Variants in ROR1 observed in about 807,000 individuals in gnomAD.
ROR1 encodes the protein ROR family WNT receptor 1.
Under a neutral mutation model 78.8 loss-of-function variants are expected in ROR1, and 19 were observed. The observed-to-expected ratio is 0.24, with a 90% CI of 0.17 to 0.35. ROR1 has a LOEUF of 0.35. Among genes scored for constraint, ROR1 ranks in the 10% least tolerant of loss-of-function variants. The pLI, the probability that ROR1 is intolerant of heterozygous loss-of-function variation, is 1.00. For synonymous variants in ROR1, 386 were observed against 433.6 expected (o/e 0.89, Z 1.36); for missense variants, 917 against 1,177.8 (o/e 0.78, Z 3.24).
chr1:63,795,068 C>T (rs1644751765), intron 1 of ROR1, among the ~76,000 whole-genome samples: 1 of 152,118 alleles, frequency 6.6e-6, no homozygotes, highest in Non-Finnish European at 1.5e-5. Context: ...GAGGTTGGAA[C>T]CCTGCATCCA....
At chr1:63,959,996 C>T (rs1646015143) in intron 1 of ROR1, among the ~76,000 whole-genome samples, 1 of 152,220 alleles carries the variant, frequency 6.6e-6, no homozygotes, top group African/African-American at 2.4e-5. Flanking sequence ...AATCCCTTAG[C>T]ATCACTATCC....
At chr1:64,143,221 A>G in intron 7 of ROR1, 1 of 990,244 alleles carries the variant, frequency 1.0e-6, no homozygotes, top group African/African-American at 1.7e-5. Context: ...AAATGTTTGG[A>G]GAAAATAATG....
chr1:64,166,695 T>G (rs1465879211), intron 8 of ROR1, among the ~76,000 whole-genome samples: 3 of 152,126 alleles, frequency 2.0e-5, no homozygotes, highest in Non-Finnish European at 4.4e-5. Flanking sequence ...GGCAAGAGAA[T>G]CCCAGCAAAG....
Position 64,031,721 on chromosome 1 carries a change from G to A in ROR1, c.164-17970G>A, listed in dbSNP as rs371767691. On this transcript the variant is annotated intron_variant, in intron 2 of 8. Coordinates refer to ENST00000371079, the MANE Select transcript of ROR1 (RefSeq NM_005012.4). ...TCTTAGAATCCTGGAGCTGGTGTAT[G>A]TGTGACTTCAGAGATAACTTAAAAA... 1.6e-4 allele frequency among the ~76,000 whole-genome samples: 25 copies of A among 152,314 alleles called. 1 individual carries two copies. Among genetic ancestry groups the A allele is most frequent in the African/African-American group, 4.6e-4 (19 of 41,566 alleles).
chr1:64,076,538 T>C (rs529504061), intron 4 of ROR1, among the ~76,000 whole-genome samples: 32 of 152,266 alleles, frequency 2.1e-4, no homozygotes, highest in Non-Finnish European at 3.8e-4. Context: ...AAGAACAAAA[T>C]TGGCATGCAG....
intron 1 of ROR1, among the ~76,000 whole-genome samples, chr1:63,799,295 T>A (rs780402089): frequency 6.6e-6 from 1 of 152,200 alleles, no homozygotes; most frequent in Non-Finnish European, 1.5e-5. Context: ...GGCTCCCCAT[T>A]GCCATGGCCA....
intron 8 of ROR1, among the ~76,000 whole-genome samples, chr1:64,159,671 G>T (rs1569868545): frequency 1.3e-5 from 2 of 150,742 alleles, no homozygotes; most frequent in South Asian, 2.1e-4. Context: ...ATTTTGTTGT[G>T]TTTTTTTACC....
intron 1 of ROR1, among the ~76,000 whole-genome samples, chr1:63,860,061 C>A (rs1369208104): frequency 1.3e-5 from 2 of 152,098 alleles, no homozygotes; most frequent in African/African-American, 4.8e-5. Flanking sequence ...GAGCAGAGGC[C>A]ACATTCTTCA....
chr1:63,934,959 CA>C (rs1249488924), intron 1 of ROR1, among the ~76,000 whole-genome samples: 1 of 151,402 alleles, frequency 6.6e-6, no homozygotes, highest in Non-Finnish European at 1.5e-5. Flanking sequence ...GCTTCTTTTA[CA>C]TTTTGACTCT....
intron 1 of ROR1, among the ~76,000 whole-genome samples, chr1:63,859,928 A>C (rs1645169729): frequency 6.6e-6 from 1 of 152,230 alleles, no homozygotes; most frequent in African/African-American, 2.4e-5. Context: ...TGAAATCCTC[A>C]AACAGCCCTG....
intron 1 of ROR1, among the ~76,000 whole-genome samples, chr1:63,923,841 C>A (rs1345274382): frequency 6.6e-6 from 1 of 151,834 alleles, no homozygotes; most frequent in African/African-American, 2.4e-5. Flanking sequence ...CACTGGATGC[C>A]CCTCGATACC....
intron 1 of ROR1, among the ~76,000 whole-genome samples, chr1:63,963,164 T>G (rs1646045680): frequency 6.6e-6 from 1 of 152,212 alleles, no homozygotes; most frequent in South Asian, 2.1e-4. Context: ...TTAATACTGT[T>G]TTCTTAACAA....
intron 1 of ROR1, among the ~76,000 whole-genome samples, chr1:63,806,389 C>A (rs1207353527): frequency 1.3e-5 from 2 of 151,166 alleles, no homozygotes; most frequent in African/African-American, 4.9e-5. Flanking sequence ...ACAATCCCAG[C>A]CCACTGCAAG....
chr1:63,788,601 A>T (rs1303613020), intron 1 of ROR1: 1 of 151,608 alleles, frequency 6.6e-6, no homozygotes, highest in African/African-American at 2.4e-5. Flanking sequence ...TGACAGAGTG[A>T]TCTAATATAT....
intron 1 of ROR1, among the ~76,000 whole-genome samples, chr1:63,878,581 C>G (rs1346998825): frequency 6.6e-6 from 1 of 151,902 alleles, no homozygotes; most frequent in Non-Finnish European, 1.5e-5. Flanking sequence ...AGGTTTAGGG[C>G]TGAAATCCTT....
At chr1:63,997,488 C>A (rs1646346592) in intron 1 of ROR1, among the ~76,000 whole-genome samples, 1 of 152,152 alleles carries the variant, frequency 6.6e-6, no homozygotes, top group Non-Finnish European at 1.5e-5. Flanking sequence ...GCTGCCCACA[C>A]TGAAATTTTA....
At chr1:64,071,251 C>T (rs890240109) in intron 4 of ROR1, among the ~76,000 whole-genome samples, 1 of 152,076 alleles carries the variant, frequency 6.6e-6, no homozygotes, top group South Asian at 2.1e-4. Flanking sequence ...GTGATGTGTC[C>T]TCATTTACAA....
At chr1:63,896,308 G>C (rs855824) in intron 1 of ROR1, among the ~76,000 whole-genome samples, 129,289 of 151,888 alleles carry the variant, frequency 0.85, 56,052 homozygotes, top group East Asian at 1. Context: ...CCTGGATTGT[G>C]AGGATTTTGC....
At chr1:63,965,303 C>T (rs1400416631) in intron 1 of ROR1, among the ~76,000 whole-genome samples, 3 of 152,134 alleles carry the variant, frequency 2.0e-5, no homozygotes, top group Admixed American at 6.5e-5. Flanking sequence ...ACAATCCATC[C>T]TCATTGAGGC....
Sources: allele counts gnomAD v4.1 joint callset (sites outside exome capture counted in the v4.1 genomes callset), GRCh38; gene constraint gnomAD v4.1.1; transcripts MANE v1.5; gene names NCBI Gene and HGNC (gene_info 2026-07-23, HGNC 2026-07-21).